The following FOXP2 variants were observed in gnomAD, a reference collection of about 807,000 sequenced individuals.
FOXP2 encodes the protein forkhead box P2, also known as forkhead box protein P2.
FOXP2 carries 12 observed loss-of-function variants against 115.8 expected under a neutral mutation model. The observed-to-expected ratio is 0.10, with a 90% confidence interval of 0.07 to 0.17. FOXP2 has a LOEUF of 0.17. Among genes scored for constraint, FOXP2 ranks in the 10% least tolerant of loss-of-function variants. The pLI, the probability that FOXP2 is intolerant of heterozygous loss-of-function variation, is 1.00. For missense variants in FOXP2, 629 were observed against 843.5 expected, an observed-to-expected ratio of 0.75 and a Z score of 3.15; for synonymous variants, 328 against 297.7, an observed-to-expected ratio of 1.10 and a Z score of -1.05.
At chr7:114,247,721 G>A (rs374979435) in intron 1 of FOXP2, among the ~76,000 whole-genome samples, 1 of 152,222 alleles carries the variant, frequency 6.6e-6, no homozygotes, top group African/African-American at 2.4e-5. Context: ...GTTCTTTGAG[G>A]ATAAAAGGAT....
chr7:114,359,863 GATGAGAC>G (rs1306556923), intron 2 of FOXP2, among the ~76,000 whole-genome samples: 1 of 152,180 alleles, frequency 6.6e-6, no homozygotes, highest in Non-Finnish European at 1.5e-5. Flanking sequence ...CCTTGTCTCA[GATGAGAC>G]ATTGGACTGT....
chr7:114,246,822 A>G (rs1349718831), intron 1 of FOXP2, among the ~76,000 whole-genome samples: 2 of 152,168 alleles, frequency 1.3e-5, no homozygotes, highest in African/African-American at 2.4e-5. Context: ...TTGTAAAGGT[A>G]TGCAGAGTCA....
chr7:114,554,981 T>C (rs1800389160), intron 3 of FOXP2, among the ~76,000 whole-genome samples: 3 of 152,170 alleles, frequency 2.0e-5, no homozygotes, highest in Non-Finnish European at 2.9e-5. Context: ...TAATGACAAG[T>C]AGTATGAGTC....
At chr7:114,252,497 A>C (rs1041668200) in intron 1 of FOXP2, among the ~76,000 whole-genome samples, 1 of 152,090 alleles carries the variant, frequency 6.6e-6, no homozygotes, top group African/African-American at 2.4e-5. Context: ...TCAGAGATTC[A>C]ACTTCTTCCT....
intron 3 of FOXP2, among the ~76,000 whole-genome samples, chr7:114,614,861 G>A (rs774655149): frequency 2.0e-5 from 3 of 151,946 alleles, no homozygotes; most frequent in African/African-American, 4.8e-5. Context: ...CTCAGATTTC[G>A]GCAGCACCCC....
intron 3 of FOXP2, among the ~76,000 whole-genome samples, chr7:114,608,500 C>T (rs1803454971): frequency 6.6e-6 from 1 of 152,178 alleles, no homozygotes; most frequent in African/African-American, 2.4e-5. Context: ...AAAGTGATCA[C>T]AGTAGTCACA....
intron 1 of FOXP2, among the ~76,000 whole-genome samples, chr7:114,265,914 G>A (rs1446847910): frequency 6.6e-6 from 1 of 152,120 alleles, no homozygotes; most frequent in African/African-American, 2.4e-5. Flanking sequence ...GTTTCGAGAA[G>A]CAGTGTCCTG....
At chr7:114,502,743 T>G (rs1797624858) in intron 2 of FOXP2, among the ~76,000 whole-genome samples, 1 of 152,058 alleles carries the variant, frequency 6.6e-6, no homozygotes, top group Non-Finnish European at 1.5e-5. Context: ...CACAGATTCC[T>G]GGGATATAAA....
At chr7:114,577,559 T>G (rs1469197965) in intron 3 of FOXP2, among the ~76,000 whole-genome samples, 1 of 151,944 alleles carries the variant, frequency 6.6e-6, no homozygotes, top group East Asian at 1.9e-4. Context: ...AAAGAACAGT[T>G]TGTAATGCTC....
chr7:114,234,077 G>T (rs114748862), intron 1 of FOXP2, among the ~76,000 whole-genome samples: 1 of 152,098 alleles, frequency 6.6e-6, no homozygotes, highest in South Asian at 2.1e-4. Context: ...TTGAGATTAC[G>T]TGTGTTTTTC....
chr7:114,522,977 A>G (rs1028488648), intron 2 of FOXP2, among the ~76,000 whole-genome samples: 3 of 151,714 alleles, frequency 2.0e-5, no homozygotes, highest in Admixed American at 2.0e-4. Flanking sequence ...ATATTTATAT[A>G]AATAAAAATA....
rs189092386 is a variant in FOXP2 at position 114,299,154 on chromosome 7, G to A, written c.-11+11045G>A. Among the ~76,000 whole-genome samples, 5 of 152,070 alleles carry A rather than the reference G, an allele frequency of 3.3e-5. No individual in the cohort carries two copies. In the East Asian group the frequency reaches 5.8e-4, roughly 18 times the overall value. ...GCAATCTTAAAAATATACTGCTCAA[G>A]GTAAATAACTATACAATATATCATT... On this transcript the variant is annotated intron_variant, in intron 2 of 17. Transcript: ENST00000634411.
intron 3 of FOXP2, among the ~76,000 whole-genome samples, chr7:114,584,176 T>C (rs536508499): frequency 2.4e-4 from 37 of 152,314 alleles, no homozygotes; most frequent in African/African-American, 7.0e-4. Flanking sequence ...CTCTAAGATC[T>C]GACTTTTACA....
chr7:114,436,513 C>A (rs1346152296), intron 2 of FOXP2, among the ~76,000 whole-genome samples: 1 of 148,652 alleles, frequency 6.7e-6, no homozygotes, highest in Non-Finnish European at 1.5e-5. Flanking sequence ...AAATTCTTAG[C>A]AAATTTATTA....
chr7:114,543,325 C>G (rs899160792), intron 3 of FOXP2, among the ~76,000 whole-genome samples: 2 of 151,760 alleles, frequency 1.3e-5, no homozygotes, highest in Admixed American at 6.6e-5. Context: ...TATAGTAGAC[C>G]CTCAACATTC....
chr7:114,673,264 T>C (rs1807591528), intron 16 of FOXP2, among the ~76,000 whole-genome samples: 1 of 152,204 alleles, frequency 6.6e-6, no homozygotes. Flanking sequence ...AGTTTTCATT[T>C]ATGAGACACA....
intron 3 of FOXP2, among the ~76,000 whole-genome samples, chr7:114,564,550 A>G (rs1800909085): frequency 1.3e-5 from 2 of 152,156 alleles, no homozygotes; most frequent in African/African-American, 4.8e-5. Flanking sequence ...TAGAAATTAT[A>G]AAAATATTCC....
At chr7:114,616,052 G>C (rs1803931497) in intron 3 of FOXP2, among the ~76,000 whole-genome samples, 1 of 152,092 alleles carries the variant, frequency 6.6e-6, no homozygotes, top group Non-Finnish European at 1.5e-5. Context: ...TCTTACATTA[G>C]AATATACCCT....
intron 1 of FOXP2, among the ~76,000 whole-genome samples, chr7:114,171,554 A>G (rs1397042793): frequency 1.3e-5 from 2 of 152,220 alleles, no homozygotes; most frequent in Non-Finnish European, 2.9e-5. Flanking sequence ...CCTTGGTGAC[A>G]GAGTGAGACT....
Sources: allele counts gnomAD v4.1 joint callset (sites outside exome capture counted in the v4.1 genomes callset), GRCh38; gene constraint gnomAD v4.1.1; transcripts MANE v1.5; gene names NCBI Gene and HGNC (gene_info 2026-07-23, HGNC 2026-07-21).